The following KLHL31 variants were observed in gnomAD, a reference collection of about 807,000 sequenced individuals.
The protein encoded by KLHL31 is kelch like family member 31.
In KLHL31, 32 loss-of-function variants were observed where a neutral mutation model predicts 47.1. That is an observed-to-expected ratio of 0.68 (90% CI 0.51 to 0.91). The LOEUF (loss-of-function observed/expected upper bound fraction) is 0.91. Ranked by LOEUF, KLHL31 falls within the 40% of genes least tolerant of loss-of-function variation. KLHL31 has a pLI of 0.00. For missense variants in KLHL31, 797 were observed against 819.3 expected, an observed-to-expected ratio of 0.97 and a Z score of 0.33; for synonymous variants, 330 against 325.1, an observed-to-expected ratio of 1.01 and a Z score of -0.16.
At chr6:53,662,507 C>T (rs1438295139) in intron 1 of KLHL31, among the ~76,000 whole-genome samples, 1 of 152,166 alleles carries the variant, frequency 6.6e-6, no homozygotes, top group East Asian at 1.9e-4. Flanking sequence ...AGAAGGGTCC[C>T]TATGCTACTG....
At position 53,656,931 on chromosome 6, in the gene KLHL31, C is replaced by CT. The variant is rs10665063; in HGVS notation, c.-33-1627dup. Among the ~76,000 whole-genome samples, 37 of 98,436 alleles carry CT rather than the reference C, an allele frequency of 3.8e-4. 1 individual carries two copies. Among genetic ancestry groups the CT allele is most frequent in the Admixed American group, 8.3e-4 (6 of 7,216 alleles). The allele number at this position is 98,436 out of a possible 152,430, so 64.6% of individuals were successfully genotyped here. On this transcript the variant is annotated intron_variant, in intron 1 of 2. Transcript: ENST00000370905. ...AGACTGGGAAAACAAGTATTTTTAA[C>CT]TTTTTTTTTTTTTTTTTTTGAGATC...
In KLHL31 at chr6:53,654,920, G is replaced by A; in HGVS notation, c.353C>T (p.Pro118Leu). The change falls in exon 2 of 3, where the codon CCA (proline) becomes CTA (leucine). Residue 118 changes from proline (P) to leucine (L), a missense_variant. Physicochemically the swap from Pro to Leu is moderately conservative, Grantham distance 98. Coordinates refer to ENST00000370905, the MANE Select transcript of KLHL31 (RefSeq NM_001003760.5). Reference protein sequence around the residue: ...IQRVDLNDISPLGLATVIAYA... With the variant: ...IQRVDLNDISLLGLATVIAYA... Reference sequence around the variant, plus strand: ...TGCAATGACAGTGGCCAGGCCTAGTGGTGAGATATCATTGAGATCCACCCT... The same window carrying A: ...TGCAATGACAGTGGCCAGGCCTAGTAGTGAGATATCATTGAGATCCACCCT... 6.2e-7 allele frequency: 1 copy of A among 1,614,018 alleles called. No homozygotes were observed. Among genetic ancestry groups the A allele is most frequent in the Non-Finnish European group, 8.5e-7 (1 of 1,179,928 alleles).
intron 1 of KLHL31, 52 bp downstream of exon 1, chr6:53,665,549 C>T (rs1212266066): frequency 1.3e-5 from 2 of 152,416 alleles, no homozygotes; most frequent in Admixed American, 1.3e-4. Flanking sequence ...CATCCACACA[C>T]ACCCCAGGAT....
chr6:53,662,695 T>A (rs1561987599), intron 1 of KLHL31, among the ~76,000 whole-genome samples: 1 of 152,144 alleles, frequency 6.6e-6, no homozygotes, highest in Non-Finnish European at 1.5e-5. Flanking sequence ...AATTGCACAC[T>A]CCCCTCCCCA....
At chr6:53,657,652 GTGTT>G (rs1286835023) in intron 1 of KLHL31, among the ~76,000 whole-genome samples, 3 of 140,034 alleles carry the variant, frequency 2.1e-5, no homozygotes, top group African/African-American at 8.2e-5. Flanking sequence ...GTGTGTGTGT[GTGTT>G]TTAAATCCCA....
intron 1 of KLHL31, among the ~76,000 whole-genome samples, chr6:53,665,311 G>C (rs1337961404): frequency 6.6e-6 from 1 of 152,144 alleles, no homozygotes; most frequent in Non-Finnish European, 1.5e-5. Flanking sequence ...TAGAGATTTA[G>C]AATTTTTGTT....
At chr6:53,664,636 T>C (rs1764693379) in intron 1 of KLHL31, among the ~76,000 whole-genome samples, 1 of 152,212 alleles carries the variant, frequency 6.6e-6, no homozygotes, top group South Asian at 2.1e-4. Flanking sequence ...TACTTCATAT[T>C]TGAGAACATT....
At chr6:53,658,047 T>C (rs1764590583) in intron 1 of KLHL31, among the ~76,000 whole-genome samples, 1 of 152,214 alleles carries the variant, frequency 6.6e-6, no homozygotes, top group Non-Finnish European at 1.5e-5. Flanking sequence ...AGTGTCTCTT[T>C]GTTGGATTTT....
chr6:53,659,908 C>A (rs913761257), intron 1 of KLHL31, among the ~76,000 whole-genome samples: 4 of 152,152 alleles, frequency 2.6e-5, no homozygotes, highest in African/African-American at 4.8e-5. Flanking sequence ...CCTCCATTGC[C>A]TGACCTTCAT....
Position 53,654,514 on chromosome 6 carries a change from A to T in KLHL31, c.759T>A (p.Asp253Glu). The T allele has an allele frequency of 1.9e-6, 3 of 1,614,210 alleles. No homozygotes were observed. The highest frequency in any genetic ancestry group is 1.7e-6 in the Non-Finnish European group (2 of 1,180,040). The change falls in exon 2 of 3, where the codon GAT (aspartate) becomes GAA (glutamate). Residue 253 changes from aspartate (D) to glutamate (E), a missense_variant. Asp to Glu is a conservative substitution (Grantham distance 45). Coordinates refer to ENST00000370905, the MANE Select transcript of KLHL31 (RefSeq NM_001003760.5). ...TACCAAAGCGAATATTGCTCAAAAGATCTGCAGCGTATTTTACTCTCTTTT... is the reference window on the plus strand; with the variant it reads ...TACCAAAGCGAATATTGCTCAAAAGTTCTGCAGCGTATTTTACTCTCTTTT... ...FDQKRVKYAA[D>E]LLSNIRFGTI...
intron 1 of KLHL31, among the ~76,000 whole-genome samples, chr6:53,664,192 A>C (rs1764686449): frequency 6.6e-6 from 1 of 152,236 alleles, no homozygotes; most frequent in African/African-American, 2.4e-5. Flanking sequence ...TTGCATTTGC[A>C]TTTCAGATAA....
In KLHL31 at chr6:53,654,757, G is replaced by A. The variant is rs1234301082; in HGVS notation, c.516C>T (p.Cys172=). Residue 172 remains cysteine (C), a synonymous_variant, in exon 2 of 3, where the codon TGC becomes TGT. Transcript: ENST00000370905. ...FLIREMSVEN[C]MYVVNIAETY... ...TTTCAGCAATATTAACAACATACAT[G>A]CAATTCTCAACACTCATCTCCCGTA... 4 of 1,614,004 alleles carry A rather than the reference G, an allele frequency of 2.5e-6. No homozygotes were observed. The highest frequency in any genetic ancestry group is 3.4e-6 in the Non-Finnish European group (4 of 1,180,044).
In KLHL31 at chr6:53,655,224, C is replaced by T. The variant is rs1417233326; in HGVS notation, c.49G>A (p.Glu17Lys). The T allele has an allele frequency of 1.2e-6, 2 of 1,603,776 alleles. No homozygotes were observed. Among genetic ancestry groups the T allele is most frequent in the Non-Finnish European group, 1.7e-6 (2 of 1,176,918 alleles). The change falls in exon 2 of 3, where the codon GAG (glutamate) becomes AAG (lysine). Residue 17 changes from glutamate to lysine, a missense_variant. Glu to Lys is a moderately conservative substitution (Grantham distance 56). Transcript: ENST00000370905. Reference protein sequence around the residue: ...IVKKNKGDINEMTIIVEDSPL... With the variant: ...IVKKNKGDINKMTIIVEDSPL... ...CTATCTTCTACGATTATAGTCATCT[C>T]ATTGATATCTCCTTTGTTCTTTTTG...
intron 2 of KLHL31, among the ~76,000 whole-genome samples, chr6:53,653,372 T>C (rs1427428682): frequency 1.3e-5 from 2 of 152,254 alleles, no homozygotes; most frequent in African/African-American, 2.4e-5. Flanking sequence ...AATTTTCAGA[T>C]CTTGCTCATT....
chr6:53,664,765 A>G (rs1158789408), intron 1 of KLHL31, among the ~76,000 whole-genome samples: 2 of 152,174 alleles, frequency 1.3e-5, no homozygotes, highest in Non-Finnish European at 2.9e-5. Context: ...GGATCCCAGA[A>G]TGTCTTTTTG....
At chr6:53,655,448 A>G in intron 1 of KLHL31, 143 bp from the exon 2 acceptor site, 1 of 507,084 alleles carries the variant, frequency 2.0e-6, no homozygotes, top group South Asian at 3.8e-5. Context: ...AAGACATATT[A>G]AACTAGATGT....
chr6:53,658,243 A>G (rs901330821), intron 1 of KLHL31, among the ~76,000 whole-genome samples: 2 of 151,098 alleles, frequency 1.3e-5, no homozygotes, highest in African/African-American at 2.4e-5. Flanking sequence ...TTGGGGGGAA[A>G]GTCCTGTCTG....
At chr6:53,653,525 T>A (rs1764506855) in intron 2 of KLHL31, among the ~76,000 whole-genome samples, 1 of 152,258 alleles carries the variant, frequency 6.6e-6, no homozygotes, top group South Asian at 2.1e-4. Flanking sequence ...TGTGTTTTAC[T>A]CTTTTACTCT....
Position 53,652,160 on chromosome 6 carries a change from G to A in KLHL31, c.1343C>T (p.Pro448Leu). 5 of 1,606,750 alleles carry A rather than the reference G, an allele frequency of 3.1e-6. No homozygotes were observed. The highest frequency in any genetic ancestry group is 1.3e-5 in the African/African-American group (1 of 75,036). The stretch of plus-strand genomic sequence containing the variant: ...GCGCGCCACCTCCAGGGGCGTCTTC[G>A]GCTGCCACTGATTGGTGGAGGGCAC... ...CYVPSTNQWQ[P>L]KTPLEVARCC... Residue 448 changes from proline to leucine, a missense_variant, in exon 3 of 3, where the codon CCG (proline) becomes CTG (leucine). Pro to Leu is a moderately conservative substitution (Grantham distance 98, BLOSUM62 -3). Coordinates refer to ENST00000370905, the MANE Select transcript of KLHL31 (RefSeq NM_001003760.5).
Sources: gnomAD v4.1 joint callset for allele counts (sites outside exome capture counted in the v4.1 genomes callset) on GRCh38, gnomAD v4.1.1 for gene constraint, MANE v1.5 for transcripts, NCBI Gene and HGNC (gene_info 2026-07-23, HGNC 2026-07-21) for gene names.